The following DPM3 variants were observed in gnomAD, a reference collection of about 807,000 sequenced individuals.
DPM3 encodes the protein dolichol-phosphate mannosyltransferase subunit 3.
A neutral mutation model predicts 8.9 loss-of-function variants in DPM3; 7 were observed. That is an observed-to-expected ratio of 0.79 (90% CI 0.45 to 1.48). The LOEUF is 1.48. DPM3 is among the 40% of genes most tolerant of loss of function. The pLI is 0.01. For missense variants in DPM3, 108 were observed against 116.2 expected (o/e 0.93, Z 0.33); for synonymous variants, 41 against 56.3 (o/e 0.73, Z 1.22).
rs1664706058 is a variant in DPM3 at position 155,140,236 on chromosome 1, G to C, written c.5C>G (p.Thr2Arg). 1.2e-6 allele frequency: 2 copies of C among 1,614,056 alleles called. No homozygotes were observed. Among genetic ancestry groups the C allele is most frequent in the Admixed American group, 1.7e-5 (1 of 60,020 alleles). The change falls in exon 2 of 2, where the codon ACG becomes AGG. Residue 2 changes from threonine (T) to arginine (R), a missense_variant. Physicochemically the swap from Thr to Arg is moderately conservative, Grantham distance 71. Coordinates refer to ENST00000368400, the MANE Select transcript of DPM3 (RefSeq NM_153741.2). ...TCCCCAAAGCCACTGCGCTAATTTC[G>C]TCATGGTCACTGCGAGAGAAGGAAG... MTKLAQWLWGLA... is the reference protein window; with the variant it reads MRKLAQWLWGLA...
In DPM3 at chr1:155,139,998, G is replaced by C. The variant is rs1328881522; in HGVS notation, c.243C>G (p.Ala81=). The change falls in exon 2 of 2, where the codon GCC becomes GCG. Residue 81 remains alanine (A), a synonymous_variant. Coordinates refer to ENST00000368400, the MANE Select transcript of DPM3 (RefSeq NM_153741.2). ...GCCCCCTGCGGGCTAAGTCGGCTCG[G>C]GCCTCCTGTATCTGGCTCTGCAGCT... ...ARELQSQIQE[A]RADLARRGLR... The C allele has an allele frequency of 2.1e-5, 34 of 1,613,388 alleles. No individual in the cohort carries two copies. The highest frequency in any genetic ancestry group is 2.8e-5 in the Non-Finnish European group (33 of 1,179,790).
rs1020724209 is a variant in DPM3 at position 155,140,500 on chromosome 1, A to G, written c.-15T>C. ...TTCAACCTACACTTACCTCTACCCCACGTCTCCCCTTCCCCGCGCGGCCCG... is the reference window on the plus strand; with the variant it reads ...TTCAACCTACACTTACCTCTACCCCGCGTCTCCCCTTCCCCGCGCGGCCCG... On this transcript the variant is annotated 5_prime_UTR_variant, in exon 1 of 2. Coordinates refer to ENST00000368400, the MANE Select transcript of DPM3 (RefSeq NM_153741.2). The G allele has an allele frequency of 7.7e-6, 5 of 645,502 alleles. No homozygotes were observed. The highest frequency in any genetic ancestry group is 3.4e-5 in the South Asian group (2 of 59,310). 40.0% of individuals were successfully genotyped at this position (645,502 alleles called of 1,614,324 possible).
rs751933402 is a variant in DPM3 at position 155,140,068 on chromosome 1, C to G, written c.173G>C (p.Gly58Ala). The G allele has an allele frequency of 6.2e-7, 1 of 1,614,066 alleles. No homozygotes were observed. Among genetic ancestry groups the G allele is most frequent in the South Asian group, 1.1e-5 (1 of 91,086 alleles). The stretch of plus-strand genomic sequence containing the variant: ...GTCATGAAAAGTGGCCACACGATAG[C>G]CCACAGTGCCCAGGGCATAGCAGCC... ...SAGCYALGTV[G>A]YRVATFHDCE... The change falls in exon 2 of 2, where the codon GGC (glycine) becomes GCC (alanine). Residue 58 changes from glycine to alanine, a missense_variant. Physicochemically the swap from Gly to Ala is moderately conservative, Grantham distance 60 (BLOSUM62 0). Coordinates refer to ENST00000368400, the MANE Select transcript of DPM3 (RefSeq NM_153741.2).
At position 155,140,201 on chromosome 1, in the gene DPM3, G is replaced by A. The variant is rs750183491; in HGVS notation, c.40C>T (p.Leu14=). 1 of 1,614,184 alleles carries A rather than the reference G, an allele frequency of 6.2e-7. No individual in the cohort carries two copies. Among genetic ancestry groups the A allele is most frequent in the South Asian group, 1.1e-5 (1 of 91,074 alleles). The change falls in exon 2 of 2, where the codon CTG becomes TTG. Residue 14 remains leucine (L), a synonymous_variant. Transcript: ENST00000368400. ...LAQWLWGLAI[L]GSTWVALTTG... ...GTCAGGGCCACCCAGGTGGAGCCCA[G>A]GATCGCTAGTCCCCAAAGCCACTGC...
At chr1:155,140,402 AG>A (rs1331672384) in intron 1 of DPM3, 88 bp downstream of exon 1, 3 of 775,994 alleles carry the variant, frequency 3.9e-6, no homozygotes, top group Admixed American at 2.0e-5. Flanking sequence ...AAAAGGTGGA[AG>A]GGCCCCTTCC....
Position 155,140,527 on chromosome 1 carries a change from A to T in DPM3, c.-42T>A. On this transcript the variant is annotated 5_prime_UTR_variant, in exon 1 of 2. Transcript: ENST00000368400. Reference sequence around the variant, plus strand: ...GTCTCCCCTTCCCCGCGCGGCCCGGATGTTGGCGTCCGGAAGTCCTCCCTG... The same window carrying T: ...GTCTCCCCTTCCCCGCGCGGCCCGGTTGTTGGCGTCCGGAAGTCCTCCCTG... 3.2e-6 allele frequency: 2 copies of T among 616,628 alleles called. No individual in the cohort carries two copies. The highest frequency in any genetic ancestry group is 3.0e-6 in the Non-Finnish European group (1 of 338,194). 38.2% of individuals were successfully genotyped at this position (616,628 alleles called of 1,614,324 possible).
chr1:155,140,366 C>G, intron 1 of DPM3, 121 bp from the exon 2 acceptor site: 1 of 1,083,950 alleles, frequency 9.2e-7, no homozygotes, highest in Non-Finnish European at 1.4e-6. Context: ...ATCGCCGATC[C>G]CAGAGGTCCG....
Position 155,140,025 on chromosome 1 carries a change from G to A in DPM3, c.216C>T (p.Arg72=). ...CCTCCTGTATCTGGCTCTGCAGCTC[G>A]CGTGCGGCGTCCTCGCAGTCATGAA... ...ATFHDCEDAA[R]ELQSQIQEAR... The change falls in exon 2 of 2, where the codon CGC becomes CGT. Residue 72 remains arginine, a synonymous_variant. Coordinates refer to ENST00000368400, the MANE Select transcript of DPM3 (RefSeq NM_153741.2). The A allele has an allele frequency of 6.2e-7, 1 of 1,613,952 alleles. No homozygotes were observed. The highest frequency in any genetic ancestry group is 8.5e-7 in the Non-Finnish European group (1 of 1,180,028).
Position 155,140,173 on chromosome 1 carries a change from G to A in DPM3, c.68C>T (p.Thr23Met), listed in dbSNP as rs1390875005. The change falls in exon 2 of 2, where the codon ACG becomes ATG. Residue 23 changes from threonine (T) to methionine (M), a missense_variant. Coordinates refer to ENST00000368400, the MANE Select transcript of DPM3 (RefSeq NM_153741.2). ...ILGSTWVALT[T>M]GALGLELPLS... ...GGGCAGCTCCAGGCCCAAGGCTCCC[G>A]TGGTCAGGGCCACCCAGGTGGAGCC... The A allele has an allele frequency of 3.7e-6, 6 of 1,614,166 alleles. No individual in the cohort carries two copies. The highest frequency in any genetic ancestry group is 2.2e-5 in the South Asian group (2 of 91,082).
chr1:155,140,403 G>A (rs774556478), intron 1 of DPM3, 88 bp downstream of exon 1: 3 of 773,768 alleles, frequency 3.9e-6, no homozygotes, highest in South Asian at 1.5e-5. Flanking sequence ...AAAGGTGGAA[G>A]GGCCCCTTCC....
At chr1:155,140,420 C>T (rs1457984308) in intron 1 of DPM3, 71 bp downstream of exon 1, 5 of 730,986 alleles carry the variant, frequency 6.8e-6, no homozygotes, top group Middle Eastern at 2.8e-4. Context: ...TTCCACCTTG[C>T]TACCCCCTCT....
rs1268973372 is a variant in DPM3, at chr1:155,140,289, A to G, written c.-5-44T>C. The G allele has an allele frequency of 1.9e-6, 3 of 1,602,338 alleles. No individual in the cohort carries two copies. In the Admixed American group the frequency reaches 5.2e-5, roughly 28 times the overall value. Reference sequence around the variant, plus strand: ...ATGCTCCCCTGAGGAGCAGAAAGGAAAAGCGGACCAAACTCAACCGAAGCC... The same window carrying G: ...ATGCTCCCCTGAGGAGCAGAAAGGAGAAGCGGACCAAACTCAACCGAAGCC... On this transcript the variant is annotated intron_variant, in intron 1 of 1. Transcript: ENST00000368400.
chr1:155,140,137 T>C lies in DPM3; in HGVS notation c.104A>G (p.Gln35Arg). Reference protein sequence around the residue: ...ALGLELPLSCQEVLWPLPAYL... With the variant: ...ALGLELPLSCREVLWPLPAYL... ...GGCGGGCAGTGGCCACAGGACTTCC[T>C]GGCAGGACAAGGGCAGCTCCAGGCC... The change falls in exon 2 of 2, where the codon CAG becomes CGG. Residue 35 changes from glutamine (Q) to arginine (R), a missense_variant. Gln to Arg is a conservative substitution (Grantham distance 43). Transcript: ENST00000368400. 1.2e-6 allele frequency: 2 copies of C among 1,614,168 alleles called. No homozygotes were observed. The highest frequency in any genetic ancestry group is 1.7e-6 in the Non-Finnish European group (2 of 1,180,050).
intron 1 of DPM3, 50 bp from the exon 2 acceptor site, chr1:155,140,295 G>T: frequency 1.3e-6 from 2 of 1,597,330 alleles, no homozygotes; most frequent in Admixed American, 1.7e-5. Context: ...AGGAAAAGCG[G>T]ACCAAACTCA....
chr1:155,140,053 G>C lies in DPM3; in HGVS notation c.188C>G (p.Thr63Ser), dbSNP rs769954609. 2 of 1,614,080 alleles carry C rather than the reference G, an allele frequency of 1.2e-6. No individual in the cohort carries two copies. Among genetic ancestry groups the C allele is most frequent in the Non-Finnish European group, 1.7e-6 (2 of 1,180,036 alleles). ...ALGTVGYRVA[T>S]FHDCEDAARE... ...TGCGGCGTCCTCGCAGTCATGAAAA[G>C]TGGCCACACGATAGCCCACAGTGCC... is the stretch of plus-strand genomic sequence containing the variant. Residue 63 changes from threonine (T) to serine (S), a missense_variant, in exon 2 of 2, where the codon ACT becomes AGT. Physicochemically the swap from Thr to Ser is moderately conservative, Grantham distance 58. Transcript: ENST00000368400.
chr1:155,140,461 C>G lies in DPM3; in HGVS notation c.-6+30G>C, dbSNP rs1664714559. ...TGAGACCCACTCCCCATCTCTCGCC[C>G]TCCCCATTCAGCCTTCAACCTACAC... On this transcript the variant is annotated intron_variant, in intron 1 of 1. Coordinates refer to ENST00000368400, the MANE Select transcript of DPM3 (RefSeq NM_153741.2). 3 of 709,652 alleles carry G rather than the reference C, an allele frequency of 4.2e-6. No homozygotes were observed. In the South Asian group the frequency reaches 4.5e-5, roughly 11 times the overall value. The allele number at this position is 709,652 out of a possible 1,614,324, so 44.0% of individuals were successfully genotyped here.
rs1664711507 is a variant in DPM3 at position 155,140,405 on chromosome 1, G to A, written c.-6+86C>T. The A allele has an allele frequency of 7.8e-6, 6 of 767,128 alleles. No individual in the cohort carries two copies. The Admixed American group carries it at 1.0e-4, about 13-fold the overall frequency. The allele number at this position is 767,128 out of a possible 1,614,324, so 47.5% of individuals were successfully genotyped here. On this transcript the variant is annotated intron_variant, in intron 1 of 1. Coordinates refer to ENST00000368400, the MANE Select transcript of DPM3 (RefSeq NM_153741.2). ...TTGAGTGCCCACAAAAGGTGGAAGG[G>A]CCCCTTCCACCTTGCTACCCCCTCT...
chr1:155,140,516 G>A lies in DPM3; in HGVS notation c.-31C>T, dbSNP rs990135103. The A allele has an allele frequency of 9.6e-6, 6 of 627,292 alleles. No homozygotes were observed. The highest frequency in any genetic ancestry group is 1.8e-5 in the South Asian group (1 of 55,638). The allele number at this position is 627,292 out of a possible 1,614,324, so 38.9% of individuals were successfully genotyped here. A position where few individuals can be genotyped will look rare whatever the true frequency, so the allele number is the denominator to read the frequency against. On this transcript the variant is annotated 5_prime_UTR_variant, in exon 1 of 2. Transcript: ENST00000368400. ...CTCTACCCCACGTCTCCCCTTCCCC[G>A]CGCGGCCCGGATGTTGGCGTCCGGA... is the stretch of plus-strand genomic sequence containing the variant.
rs774464237 is a variant in DPM3, at chr1:155,140,252, G to A, written c.-5-7C>T. 3 of 1,613,854 alleles carry A rather than the reference G, an allele frequency of 1.9e-6. No individual in the cohort carries two copies. The South Asian group carries it at 3.3e-5, about 18-fold the overall frequency. ...GCTAATTTCGTCATGGTCACTGCGAGAGAAGGAAGCAATGCTCCCCTGAGG... is the reference window on the plus strand; with the variant it reads ...GCTAATTTCGTCATGGTCACTGCGAAAGAAGGAAGCAATGCTCCCCTGAGG... On this transcript the variant is annotated splice_polypyrimidine_tract_variant and splice_region_variant and intron_variant, in intron 1 of 1. Transcript: ENST00000368400.
Sources: gnomAD v4.1 joint callset for allele counts on GRCh38, gnomAD v4.1.1 for gene constraint, MANE v1.5 for transcripts, NCBI Gene and HGNC (gene_info 2026-07-23, HGNC 2026-07-21) for gene names.